The following MYRIP variants were observed in gnomAD, a reference collection of about 807,000 sequenced individuals.
MYRIP encodes myosin VIIA and Rab interacting protein.
A neutral mutation model predicts 98.0 loss-of-function variants in MYRIP; 49 were observed. The observed-to-expected ratio is 0.50, with a 90% CI of 0.40 to 0.63. The LOEUF (loss-of-function observed/expected upper bound fraction) is 0.63, where lower values mean the gene tolerates loss of function less well. Among genes scored for constraint, MYRIP ranks in the 30% least tolerant of loss-of-function variants. The pLI, the probability that MYRIP is intolerant of heterozygous loss-of-function variation, is 0.00. For synonymous variants in MYRIP, 404 were observed against 409.5 expected, an observed-to-expected ratio of 0.99 and a Z score of 0.16; for missense variants, 1,004 against 1,058.2, an observed-to-expected ratio of 0.95 and a Z score of 0.71.
At chr3:40,109,078 AAC>A in intron 3 of MYRIP, among the ~76,000 whole-genome samples, 1 of 152,282 alleles carries the variant, frequency 6.6e-6, no homozygotes, top group Admixed American at 6.5e-5. Flanking sequence ...TTTCCTTTGA[AAC>A]ACAATAAAGG....
intron 2 of MYRIP, among the ~76,000 whole-genome samples, chr3:39,955,193 C>G (rs149828196): frequency 6.6e-6 from 1 of 152,066 alleles, no homozygotes; most frequent in Non-Finnish European, 1.5e-5. Context: ...AGATACTCCT[C>G]GAGAAGAGCA....
chr3:39,936,039 G>T (rs1944649613), intron 2 of MYRIP, among the ~76,000 whole-genome samples: 1 of 152,130 alleles, frequency 6.6e-6, no homozygotes, highest in Non-Finnish European at 1.5e-5. Context: ...ACCTTCCTAG[G>T]AGAGTCAAAT....
In MYRIP at chr3:39,986,563, C is replaced by T. The variant is rs554052409; in HGVS notation, c.111-57487C>T. 4.6e-5 allele frequency among the ~76,000 whole-genome samples: 7 copies of T among 152,196 alleles called. No individual in the cohort carries two copies. The East Asian group carries it at 7.7e-4, about 17-fold the overall frequency. ...TTGCTCTGACACCTACTAGCAGTAT[C>T]CTTGGAAGGATATTCCACAGTGGAT... On this transcript the variant is annotated intron_variant, in intron 2 of 16. Coordinates refer to ENST00000302541, the MANE Select transcript of MYRIP (RefSeq NM_015460.4).
At chr3:40,084,328 G>GTATTATATATCTATA (rs1182401685) in intron 3 of MYRIP, among the ~76,000 whole-genome samples, 1 of 48,876 alleles carries the variant, frequency 2.0e-5, no homozygotes, top group Non-Finnish European at 4.7e-5. Flanking sequence ...TATATCGATA[G>GTATTATATATCTATA]ATAATACACA....
chr3:40,033,296 G>A (rs906662706), intron 2 of MYRIP, among the ~76,000 whole-genome samples: 5 of 151,148 alleles, frequency 3.3e-5, no homozygotes, highest in Non-Finnish European at 5.9e-5. Context: ...GTTTGCAGAC[G>A]ACATGATTGT....
intron 1 of MYRIP, among the ~76,000 whole-genome samples, chr3:39,834,769 G>T (rs1239157656): frequency 2.0e-5 from 3 of 151,808 alleles, no homozygotes; most frequent in African/African-American, 4.8e-5. Flanking sequence ...AAGTTTAATG[G>T]CTCATTATAT....
intron 3 of MYRIP, among the ~76,000 whole-genome samples, chr3:40,088,763 T>C (rs1404748318): frequency 1.3e-5 from 2 of 152,178 alleles, no homozygotes; most frequent in Non-Finnish European, 2.9e-5. Context: ...TTCTCAGCCC[T>C]GGTAGGGAGT....
chr3:39,859,302 A>G (rs1227921913), intron 1 of MYRIP, among the ~76,000 whole-genome samples: 3 of 152,210 alleles, frequency 2.0e-5, no homozygotes, highest in Non-Finnish European at 4.4e-5. Context: ...TCTTAGGAAC[A>G]TACAACCGGC....
At chr3:40,068,562 T>A (rs755682662) in intron 3 of MYRIP, among the ~76,000 whole-genome samples, 5 of 152,196 alleles carry the variant, frequency 3.3e-5, no homozygotes, top group Admixed American at 6.5e-5. Context: ...TACAAAATAC[T>A]GTATTCATTA....
chr3:40,135,364 C>T (rs1949741209), intron 3 of MYRIP, among the ~76,000 whole-genome samples: 1 of 152,122 alleles, frequency 6.6e-6, no homozygotes, highest in Non-Finnish European at 1.5e-5. Flanking sequence ...AAAAAGCCTC[C>T]AAGAAATATG....
At chr3:40,208,710 T>G (rs1386019100) in intron 10 of MYRIP, among the ~76,000 whole-genome samples, 2 of 152,228 alleles carry the variant, frequency 1.3e-5, no homozygotes, top group African/African-American at 4.8e-5. Context: ...ACTTTGAATC[T>G]CAACTCAGAG....
chr3:39,867,578 G>GT (rs1942662043), intron 1 of MYRIP, among the ~76,000 whole-genome samples: 1 of 152,138 alleles, frequency 6.6e-6, no homozygotes, highest in Non-Finnish European at 1.5e-5. Flanking sequence ...TCACAGAAAT[G>GT]CAAAGAAAAC....
At chr3:39,871,828 T>A (rs184209223) in intron 1 of MYRIP, among the ~76,000 whole-genome samples, 1 of 152,018 alleles carries the variant, frequency 6.6e-6, no homozygotes, top group Admixed American at 6.6e-5. Flanking sequence ...TTAAAAACAA[T>A]TTCAAGTGTT....
intron 2 of MYRIP, among the ~76,000 whole-genome samples, chr3:39,920,702 T>C (rs1048705551): frequency 3.9e-5 from 6 of 152,224 alleles, no homozygotes; most frequent in Non-Finnish European, 2.9e-5. Context: ...ATAGCTTAAA[T>C]ACACAGGGGA....
chr3:40,006,117 G>A (rs962613588), intron 2 of MYRIP, among the ~76,000 whole-genome samples: 4 of 152,186 alleles, frequency 2.6e-5, no homozygotes, highest in African/African-American at 9.6e-5. Context: ...TATGGTTAAA[G>A]AATCAGATGA....
intron 2 of MYRIP, among the ~76,000 whole-genome samples, chr3:40,018,009 C>G (rs751578859): frequency 6.6e-6 from 1 of 152,056 alleles, no homozygotes; most frequent in Non-Finnish European, 1.5e-5. Context: ...GAATTGAGAC[C>G]TCTATGAACT....
At chr3:40,248,274 A>G (rs1320248655) in intron 13 of MYRIP, 1 of 152,244 alleles carries the variant, frequency 6.6e-6, no homozygotes, top group Admixed American at 6.5e-5. Flanking sequence ...GGTGCTGTCC[A>G]CTGCATCATG....
At chr3:40,077,366 G>T (rs1948370411) in intron 3 of MYRIP, among the ~76,000 whole-genome samples, 1 of 152,138 alleles carries the variant, frequency 6.6e-6, no homozygotes, top group South Asian at 2.1e-4. Context: ...AGAGCCTAGT[G>T]GTCTGTTTTG....
At chr3:39,885,267 A>G (rs1430066509) in intron 1 of MYRIP, among the ~76,000 whole-genome samples, 1 of 151,588 alleles carries the variant, frequency 6.6e-6, no homozygotes, top group Non-Finnish European at 1.5e-5. Context: ...AAATTTTTAT[A>G]TTGGGGGAAA....
Sources: gnomAD v4.1 joint callset for allele counts (sites outside exome capture counted in the v4.1 genomes callset) on GRCh38, gnomAD v4.1.1 for gene constraint, MANE v1.5 for transcripts, NCBI Gene and HGNC (gene_info 2026-07-23, HGNC 2026-07-21) for gene names.